Variants in SIDT1 observed in about 807,000 individuals in gnomAD.
SIDT1 encodes the protein SID1 transmembrane family, member 1.
A neutral mutation model predicts 107.5 loss-of-function variants in SIDT1; 101 were observed. That is an observed-to-expected ratio of 0.94 (90% CI 0.80 to 1.11). SIDT1 has a LOEUF of 1.11. Among genes scored for constraint, SIDT1 ranks in the 50% least tolerant of loss-of-function variants. The pLI is 0.00. For missense variants in SIDT1, 1,076 were observed against 1,058.2 expected (o/e 1.02, Z -0.23); for synonymous variants, 395 against 398.2 (o/e 0.99, Z 0.10).
chr3:113,626,242 C>T (rs766713244), intron 24 of SIDT1, 27 bp downstream of exon 24: 20 of 1,453,592 alleles, frequency 1.4e-5, no homozygotes, highest in Non-Finnish European at 1.9e-5. Context: ...CTTTTTGTGA[C>T]TTTCTTCTCT....
At chr3:113,606,356 G>A (rs1576934929) in intron 14 of SIDT1, 1 of 152,218 alleles carries the variant, frequency 6.6e-6, no homozygotes, top group South Asian at 2.1e-4. Flanking sequence ...CCTGAGGGTG[G>A]GGCCAGGCAT....
At chr3:113,619,967 C>A in intron 21 of SIDT1, 1 of 404,774 alleles carries the variant, frequency 2.5e-6, no homozygotes, top group Non-Finnish European at 4.5e-6. Flanking sequence ...CTTGTTAAGT[C>A]TATGTGGATA....
chr3:113,585,150 T>C, intron 8 of SIDT1, 27 bp from the exon 9 acceptor site: 11 of 1,541,636 alleles, frequency 7.1e-6, no homozygotes, highest in Non-Finnish European at 9.9e-6. Flanking sequence ...GAGGATGACC[T>C]GACCAAAGTT....
chr3:113,587,773 G>C (rs1189287196), intron 9 of SIDT1, among the ~76,000 whole-genome samples: 3 of 152,196 alleles, frequency 2.0e-5, no homozygotes, highest in Non-Finnish European at 4.4e-5. Context: ...AAATGAAGGA[G>C]CCAGGATTTG....
intron 3 of SIDT1, among the ~76,000 whole-genome samples, chr3:113,572,715 A>G (rs1183505364): frequency 6.6e-6 from 1 of 152,248 alleles, no homozygotes; most frequent in Non-Finnish European, 1.5e-5. Flanking sequence ...ACACATGGAG[A>G]TAATTCATAA....
intron 17 of SIDT1, among the ~76,000 whole-genome samples, chr3:113,609,283 C>T (rs1945570652): frequency 6.6e-6 from 1 of 151,874 alleles, no homozygotes; most frequent in African/African-American, 2.4e-5. Context: ...CCGGGCTGGT[C>T]TCAAACTCCT....
the SIDT1 span, among the ~76,000 whole-genome samples, chr3:113,635,885 A>AT: frequency 6.6e-6 from 1 of 151,914 alleles, no homozygotes; most frequent in Non-Finnish European, 1.5e-5. Context: ...AAAAAAAAAA[A>AT]AGAAAAGAAA....
chr3:113,542,966 G>C (rs900232415), intron 1 of SIDT1, among the ~76,000 whole-genome samples: 1 of 150,982 alleles, frequency 6.6e-6, no homozygotes, highest in Non-Finnish European at 1.5e-5. Flanking sequence ...TTTTCAGATG[G>C]AGTCTCACTC....
At chr3:113,561,964 C>T (rs2107727265) in intron 1 of SIDT1, among the ~76,000 whole-genome samples, 1 of 152,242 alleles carries the variant, frequency 6.6e-6, no homozygotes, top group African/African-American at 2.4e-5. Context: ...TTAAGCCAGA[C>T]CAAAGTGTGC....
chr3:113,605,695 T>C (rs1945276787), intron 14 of SIDT1, among the ~76,000 whole-genome samples: 1 of 152,148 alleles, frequency 6.6e-6, no homozygotes, highest in Non-Finnish European at 1.5e-5. Context: ...AGGTAAATTT[T>C]TTTTGTAAAA....
chr3:113,583,850 G>T (rs774784948), intron 7 of SIDT1, among the ~76,000 whole-genome samples: 1 of 152,136 alleles, frequency 6.6e-6, no homozygotes, highest in African/African-American at 2.4e-5. Flanking sequence ...AAGATGGGGT[G>T]GTAACCAGTA....
intron 9 of SIDT1, among the ~76,000 whole-genome samples, chr3:113,592,025 A>G (rs1944195921): frequency 6.6e-6 from 1 of 152,244 alleles, no homozygotes; most frequent in South Asian, 2.1e-4. Flanking sequence ...ACACTAAGTG[A>G]AAGAAACTAG....
chr3:113,625,538 C>A (rs1277756631), intron 23 of SIDT1, among the ~76,000 whole-genome samples: 2 of 152,144 alleles, frequency 1.3e-5, no homozygotes, highest in Admixed American at 6.5e-5. Flanking sequence ...GTTCCCTTTC[C>A]TCCACATCCT....
Position 113,626,231 on chromosome 3 carries a change from T to C in SIDT1, c.2421+16T>C, listed in dbSNP as rs772107932. ...CTCATTCTTGGTGAGTTCATATCTATCTTTTTGTGACTTTCTTCTCTCTTT... is the reference window on the plus strand; with the variant it reads ...CTCATTCTTGGTGAGTTCATATCTACCTTTTTGTGACTTTCTTCTCTCTTT... On this transcript the variant is annotated intron_variant, in intron 24 of 24. Coordinates refer to ENST00000264852, the MANE Select transcript of SIDT1 (RefSeq NM_017699.3). 6.5e-7 allele frequency: 1 copy of C among 1,542,840 alleles called. No homozygotes were observed. Among genetic ancestry groups the C allele is most frequent in the Non-Finnish European group, 9.0e-7 (1 of 1,115,462 alleles).
At chr3:113,596,585 A>C (rs1944568949) in intron 10 of SIDT1, among the ~76,000 whole-genome samples, 1 of 152,190 alleles carries the variant, frequency 6.6e-6, no homozygotes, top group African/African-American at 2.4e-5. Context: ...TGTATTGTCT[A>C]ATTATCCTTA....
At chr3:113,562,970 C>T (rs780205967) in intron 1 of SIDT1, among the ~76,000 whole-genome samples, 2 of 152,130 alleles carry the variant, frequency 1.3e-5, no homozygotes, top group Non-Finnish European at 2.9e-5. Context: ...TAATCAGAGG[C>T]CACACAGCAC....
At chr3:113,581,053 T>G (rs1202877439) in intron 5 of SIDT1, among the ~76,000 whole-genome samples, 1 of 152,204 alleles carries the variant, frequency 6.6e-6, no homozygotes, top group Non-Finnish European at 1.5e-5. Flanking sequence ...TTTTAAATTT[T>G]TATTGTAACA....
intron 9 of SIDT1, among the ~76,000 whole-genome samples, chr3:113,592,314 A>G (rs1024499535): frequency 6.6e-6 from 1 of 152,170 alleles, no homozygotes; most frequent in Non-Finnish European, 1.5e-5. Context: ...TTATTTTCGC[A>G]CCAATCTAAT....
intron 17 of SIDT1, among the ~76,000 whole-genome samples, chr3:113,610,251 G>A (rs1945638330): frequency 6.6e-6 from 1 of 152,108 alleles, no homozygotes; most frequent in Non-Finnish European, 1.5e-5. Context: ...GAGGTTCCTT[G>A]GGATACCTAG....
Sources: allele counts gnomAD v4.1 joint callset (sites outside exome capture counted in the v4.1 genomes callset), GRCh38; gene constraint gnomAD v4.1.1; transcripts MANE v1.5; gene names NCBI Gene and HGNC (gene_info 2026-07-23, HGNC 2026-07-21).